MYO10: variants seen among roughly 807,000 people sequenced by gnomAD.
MYO10 encodes the protein unconventional myosin-X.
A neutral mutation model predicts 257.3 loss-of-function variants in MYO10; 133 were observed. The ratio of observed to expected loss-of-function variants is 0.52; its 90% CI spans 0.45 to 0.60. The LOEUF is 0.60. Ranked by LOEUF, MYO10 falls within the 20% of genes least tolerant of loss-of-function variation. MYO10 has a pLI of 0.00. For missense variants in MYO10, 2,399 were observed against 2,635.7 expected (o/e 0.91, Z 1.97); for synonymous variants, 1,104 against 1,028.6 (o/e 1.07, Z -1.40).
chr5:16,739,907 C>G (rs922824947), intron 19 of MYO10, among the ~76,000 whole-genome samples: 5 of 152,084 alleles, frequency 3.3e-5, no homozygotes, highest in African/African-American at 4.8e-5. Flanking sequence ...TGAACGCAAA[C>G]CCCAGCATCT....
chr5:16,671,007 G>A (rs1736432675), intron 38 of MYO10, 29 bp from the exon 39 acceptor site: 3 of 1,571,432 alleles, frequency 1.9e-6, no homozygotes, highest in African/African-American at 1.3e-5. Flanking sequence ...CAGCTTTCCG[G>A]TCAACGCACT....
chr5:16,687,734 T>C (rs1467535765), intron 28 of MYO10, among the ~76,000 whole-genome samples: 1 of 152,076 alleles, frequency 6.6e-6, no homozygotes, highest in African/African-American at 2.4e-5. Context: ...ATCTCTTGTA[T>C]ACAACAAGGA....
chr5:16,806,717 T>C (rs1402322007), intron 3 of MYO10, among the ~76,000 whole-genome samples: 2 of 151,840 alleles, frequency 1.3e-5, no homozygotes, highest in African/African-American at 2.4e-5. Flanking sequence ...AGGATGCTTA[T>C]AGAGACCAAG....
At chr5:16,930,579 T>C (rs1269186618) in intron 1 of MYO10, among the ~76,000 whole-genome samples, 2 of 152,238 alleles carry the variant, frequency 1.3e-5, no homozygotes, top group African/African-American at 4.8e-5. Context: ...CCAGGAGTAC[T>C]GACATTCCAT....
At chr5:16,745,847 A>T (rs1026622173) in intron 19 of MYO10, among the ~76,000 whole-genome samples, 3 of 152,184 alleles carry the variant, frequency 2.0e-5, no homozygotes, top group Non-Finnish European at 1.5e-5. Context: ...ATATTTCCTC[A>T]ATTCTTAATG....
In MYO10 at chr5:16,877,638, T is replaced by C. The variant is rs374477450; in HGVS notation, c.91A>G (p.Ile31Val). ...PSTVNSCAEG[I>V]VVFRTDYGQV... ...CCATAGTCTGTCCGGAAGACGACGATGCCTTCTGCACAGGAATTTACAGTA... is the reference window on the plus strand; with the variant it reads ...CCATAGTCTGTCCGGAAGACGACGACGCCTTCTGCACAGGAATTTACAGTA... Residue 31 changes from isoleucine to valine, a missense_variant, in exon 2 of 41, where the codon ATC becomes GTC. By Grantham distance (29) the Ile-to-Val change is conservative. Around this residue, in one of 3 missense-constraint regions of MYO10, gnomAD observed 242 missense variants for 249.5 expected, o/e 0.97. Coordinates refer to ENST00000513610, the MANE Select transcript of MYO10 (RefSeq NM_012334.3). 70 of 1,613,706 alleles carry C rather than the reference T, an allele frequency of 4.3e-5. No individual in the cohort carries two copies. The highest frequency in any genetic ancestry group is 1.6e-4 in the Middle Eastern group (1 of 6,084).
At chr5:16,674,171 C>T (rs1736611187) in intron 35 of MYO10, among the ~76,000 whole-genome samples, 1 of 152,184 alleles carries the variant, frequency 6.6e-6, no homozygotes, top group South Asian at 2.1e-4. Context: ...CTCATCCTAT[C>T]ATATGAAAAT....
chr5:16,718,336 G>C (rs544735281), intron 19 of MYO10, among the ~76,000 whole-genome samples: 1 of 152,258 alleles, frequency 6.6e-6, no homozygotes, highest in African/African-American at 2.4e-5. Context: ...TAAGGAATGC[G>C]AGCGCACGGC....
intron 17 of MYO10, among the ~76,000 whole-genome samples, chr5:16,759,760 C>T (rs763737264): frequency 6.6e-5 from 10 of 152,188 alleles, no homozygotes; most frequent in African/African-American, 2.2e-4. Flanking sequence ...ATTGCTTTGA[C>T]AGCATGCTAT....
At chr5:16,871,698 G>A (rs553461355) in intron 2 of MYO10, among the ~76,000 whole-genome samples, 3 of 152,202 alleles carry the variant, frequency 2.0e-5, no homozygotes, top group South Asian at 2.1e-4. Context: ...AATGCTTGGC[G>A]ACGATTCCTG....
Position 16,934,198 on chromosome 5 carries a change from A to G in MYO10, c.21+1590T>C, listed in dbSNP as rs577199283. 5.9e-5 allele frequency among the ~76,000 whole-genome samples: 9 copies of G among 152,408 alleles called. No homozygotes were observed. In the East Asian group the frequency reaches 7.7e-4, roughly 13 times the overall value. Reference sequence around the variant, plus strand: ...GGGTAACAGGAGATCAGGACGCTGTAGCGCGTTATCCTGATGTTCCCCCCA... The same window carrying G: ...GGGTAACAGGAGATCAGGACGCTGTGGCGCGTTATCCTGATGTTCCCCCCA... On this transcript the variant is annotated intron_variant, in intron 1 of 40. Transcript: ENST00000513610.
At chr5:16,844,956 A>ACACACG (rs1554002202) in intron 2 of MYO10, among the ~76,000 whole-genome samples, 31 of 87,938 alleles carry the variant, frequency 3.5e-4, no homozygotes, top group African/African-American at 1.2e-3. Flanking sequence ...ACACACACGC[A>ACACACG]CACACACACA....
At chr5:16,822,684 AT>A (rs1191518040) in intron 2 of MYO10, among the ~76,000 whole-genome samples, 2 of 77,218 alleles carry the variant, frequency 2.6e-5, no homozygotes, top group African/African-American at 1.0e-4. Context: ...TTTTTTATTT[AT>A]TTTTATTTTT....
chr5:16,761,346 GA>G lies in MYO10; in HGVS notation c.1739+117del, dbSNP rs1366424536. 4 of 802,628 alleles carry G rather than the reference GA, an allele frequency of 5.0e-6. No individual in the cohort carries two copies. In the African/African-American group the frequency reaches 6.9e-5, roughly 14 times the overall value. 49.7% of individuals were successfully genotyped at this position (802,628 alleles called of 1,614,324 possible). A position where few individuals can be genotyped will look rare whatever the true frequency, so the allele number is the denominator to read the frequency against. ...ACTTCATTGATGAAGTATTACCTGGGAAAAACAATACTAAGTTTCTTACATA... is the reference window on the plus strand; with the variant it reads ...ACTTCATTGATGAAGTATTACCTGGGAAAACAATACTAAGTTTCTTACATA... On this transcript the variant is annotated intron_variant, in intron 17 of 40. Coordinates refer to ENST00000513610, the MANE Select transcript of MYO10 (RefSeq NM_012334.3).
rs553890220 is a variant in MYO10 at position 16,700,265 on chromosome 5, T to G, written c.3433-692A>C. Among the ~76,000 whole-genome samples the G allele has an allele frequency of 1.5e-4, 23 of 152,266 alleles. No individual in the cohort carries two copies. In the South Asian group the frequency reaches 4.4e-3, roughly 29 times the overall value. ...CCAGTTCACCCCTGGCAAGTCTTGT[T>G]CCAGTTCAGGATGTGTCTTCATTTC... is the stretch of plus-strand genomic sequence containing the variant. On this transcript the variant is annotated intron_variant, in intron 25 of 40. Coordinates refer to ENST00000513610, the MANE Select transcript of MYO10 (RefSeq NM_012334.3).
intron 2 of MYO10, among the ~76,000 whole-genome samples, chr5:16,819,306 A>G (rs192921135): frequency 1.9e-4 from 29 of 152,320 alleles, no homozygotes; most frequent in Non-Finnish European, 5.9e-5. Context: ...TGGTACCGTC[A>G]GATTGCTGAA....
At chr5:16,884,282 C>G (rs1744836133) in intron 1 of MYO10, among the ~76,000 whole-genome samples, 1 of 152,018 alleles carries the variant, frequency 6.6e-6, no homozygotes, top group Non-Finnish European at 1.5e-5. Flanking sequence ...GTGGTCTCAG[C>G]TACTTGGGAG....
At chr5:16,839,922 G>A (rs1359959192) in intron 2 of MYO10, among the ~76,000 whole-genome samples, 2 of 152,164 alleles carry the variant, frequency 1.3e-5, no homozygotes, top group African/African-American at 2.4e-5. Context: ...TAATGGGTTT[G>A]TCAGGATAGA....
chr5:16,818,914 T>G (rs1416123109), intron 2 of MYO10, among the ~76,000 whole-genome samples: 14 of 152,212 alleles, frequency 9.2e-5, no homozygotes, highest in Non-Finnish European at 1.5e-5. Context: ...TTAAGAAACT[T>G]TCTAAGTTTT....
Sources: allele counts gnomAD v4.1 joint callset (sites outside exome capture counted in the v4.1 genomes callset), GRCh38; gene constraint gnomAD v4.1.1; regional missense constraint gnomAD v4.1.1; transcripts MANE v1.5; gene names NCBI Gene and HGNC (gene_info 2026-07-23, HGNC 2026-07-21).